Variants in PTPRC observed in about 807,000 individuals in gnomAD.
PTPRC encodes receptor-type tyrosine-protein phosphatase C.
Under a neutral mutation model 155.9 loss-of-function variants are expected in PTPRC, and 44 were observed. The observed-to-expected ratio is 0.28, with a 90% CI of 0.22 to 0.36. The LOEUF is 0.36. Ranked by LOEUF, PTPRC falls within the 10% of genes least tolerant of loss-of-function variation. The probability of loss-of-function intolerance (pLI) is 1.00; values close to 1 mark genes in which losing one functional copy is unlikely to be tolerated. For missense variants in PTPRC, 1,401 were observed against 1,564.6 expected (o/e 0.90, Z 1.76); for synonymous variants, 525 against 533.1 (o/e 0.98, Z 0.21).
At chr1:198,695,347 A>G (rs564794468) in intron 3 of PTPRC, among the ~76,000 whole-genome samples, 1 of 147,072 alleles carries the variant, frequency 6.8e-6, no homozygotes, top group African/African-American at 2.5e-5. Flanking sequence ...TTGTTGTGTG[A>G]TATAGTTCAG....
intron 7 of PTPRC, 143 bp from the exon 8 acceptor site, chr1:198,704,329 T>A: frequency 6.9e-7 from 1 of 1,449,400 alleles, no homozygotes; most frequent in Non-Finnish European, 9.3e-7. Context: ...AAACCTGTAC[T>A]AGGCAAATCC....
chr1:198,642,940 C>A (rs920300830), intron 2 of PTPRC, among the ~76,000 whole-genome samples: 2 of 147,634 alleles, frequency 1.4e-5, no homozygotes, highest in Non-Finnish European at 3.0e-5. Flanking sequence ...TTCTTTCTTT[C>A]TTTCTTTCTT....
intron 2 of PTPRC, among the ~76,000 whole-genome samples, chr1:198,664,005 C>A (rs183928824): frequency 2.6e-5 from 4 of 151,606 alleles, no homozygotes; most frequent in African/African-American, 9.7e-5. Flanking sequence ...TTTTTTTAAC[C>A]CTACATGCCT....
At chr1:198,755,880 A>AATT (rs1329949010) in intron 32 of PTPRC, 26 bp from the exon 33 acceptor site, 3 of 1,587,630 alleles carry the variant, frequency 1.9e-6, no homozygotes, top group Non-Finnish European at 2.6e-6. Context: ...TTCTTCATGT[A>AATT]ATTTCCCACT....
chr1:198,675,355 A>T (rs1664892729), intron 2 of PTPRC, among the ~76,000 whole-genome samples: 1 of 152,108 alleles, frequency 6.6e-6, no homozygotes, highest in Non-Finnish European at 1.5e-5. Flanking sequence ...AAACTTTCTC[A>T]TTAAATGTGC....
At position 198,742,042 on chromosome 1, in the gene PTPRC, A is replaced by C. The variant is rs749945370; in HGVS notation, c.2561+16A>C. 144 of 807,070 alleles carry C rather than the reference A, an allele frequency of 1.8e-4. No individual in the cohort carries two copies. The highest frequency in any genetic ancestry group is 2.5e-4 in the Non-Finnish European group (139 of 547,608). The allele number at this position is 807,070 out of a possible 1,614,324, so 50.0% of individuals were successfully genotyped here. On this transcript the variant is annotated intron_variant, in intron 24 of 32. Coordinates refer to ENST00000442510, the MANE Select transcript of PTPRC (RefSeq NM_002838.5). Reference sequence around the variant, plus strand: ...TGCACTGCAGGTAGGAAAAACGAACAAAAAAAAAAAACAACAACAAAAAAA... The same window carrying C: ...TGCACTGCAGGTAGGAAAAACGAACCAAAAAAAAAAACAACAACAAAAAAA...
At chr1:198,695,161 T>A (rs1666133054) in intron 3 of PTPRC, 1 of 887,700 alleles carries the variant, frequency 1.1e-6, no homozygotes, top group Non-Finnish European at 1.3e-6. Context: ...TAAAGCTGGG[T>A]TTTTTATTTA....
At chr1:198,719,080 G>C (rs1446516737) in intron 14 of PTPRC, among the ~76,000 whole-genome samples, 1 of 151,946 alleles carries the variant, frequency 6.6e-6, no homozygotes, top group Non-Finnish European at 1.5e-5. Flanking sequence ...AATAATTTAT[G>C]TTTCATAAAT....
Position 198,718,090 on chromosome 1 carries a change from A to T in PTPRC, c.1451-4A>T, listed in dbSNP as rs753368275. 20 of 1,604,456 alleles carry T rather than the reference A, an allele frequency of 1.2e-5. No individual in the cohort carries two copies. In the South Asian group the frequency reaches 2.2e-4, roughly 18 times the overall value. The stretch of plus-strand genomic sequence containing the variant: ...TAATAACAAATCTTTCTTCATTTTG[A>T]TAGCTCCAAGCCAGGTCTGGAACAT... On this transcript the variant is annotated splice_region_variant and splice_polypyrimidine_tract_variant and intron_variant, in intron 13 of 32. Coordinates refer to ENST00000442510, the MANE Select transcript of PTPRC (RefSeq NM_002838.5).
At position 198,732,506 on chromosome 1, in the gene PTPRC, G is replaced by C; in HGVS notation, c.2092G>C (p.Glu698Gln). Residue 698 changes from glutamate to glutamine, a missense_variant, in exon 20 of 33, where the codon GAG becomes CAG. By Grantham distance (29) the Glu-to-Gln change is conservative. Transcript: ENST00000442510. ...PYDYNRVELSEINGDAGSNYI... is the reference protein window; with the variant it reads ...PYDYNRVELSQINGDAGSNYI... Reference sequence around the variant, plus strand: ...TGATTATAACCGTGTTGAACTCTCTGAGATAAACGGAGATGCAGGGTCAAA... The same window carrying C: ...TGATTATAACCGTGTTGAACTCTCTCAGATAAACGGAGATGCAGGGTCAAA... 6.2e-7 allele frequency: 1 copy of C among 1,610,994 alleles called. No individual in the cohort carries two copies. The highest frequency in any genetic ancestry group is 8.5e-7 in the Non-Finnish European group (1 of 1,178,446).
intron 25 of PTPRC, among the ~76,000 whole-genome samples, chr1:198,743,227 T>C (rs1654992594): frequency 6.6e-6 from 1 of 151,784 alleles, no homozygotes; most frequent in African/African-American, 2.4e-5. Flanking sequence ...TAGGTTTGTG[T>C]CTGTCTGTTT....
intron 2 of PTPRC, among the ~76,000 whole-genome samples, chr1:198,659,938 A>T (rs1370810059): frequency 6.7e-6 from 1 of 149,920 alleles, no homozygotes; most frequent in East Asian, 1.9e-4. Flanking sequence ...ATCATCATAC[A>T]GAAATCATTG....
Position 198,706,881 on chromosome 1 carries a change from A to T in PTPRC, c.833A>T (p.Asn278Ile). ...NEVHNLTECK[N>I]ASVSISHNSC... ...GTGCATAACCTTACAGAATGTAAAA[A>T]TGCGTCTGTTTCCATATCTCATAAT... Residue 278 changes from asparagine to isoleucine, a missense_variant, in exon 9 of 33, where the codon AAT becomes ATT. Physicochemically the swap from Asn to Ile is moderately radical, Grantham distance 149. Transcript: ENST00000442510. 2 of 1,613,722 alleles carry T rather than the reference A, an allele frequency of 1.2e-6. No homozygotes were observed. Among genetic ancestry groups the T allele is most frequent in the Non-Finnish European group, 1.7e-6 (2 of 1,179,636 alleles).
intron 2 of PTPRC, among the ~76,000 whole-genome samples, chr1:198,684,077 C>T (rs958954343): frequency 6.6e-6 from 1 of 151,752 alleles, no homozygotes; most frequent in Non-Finnish European, 1.5e-5. Context: ...AAATCAAAGA[C>T]TTCAATTTGA....
chr1:198,663,592 G>C (rs900362123), intron 2 of PTPRC, among the ~76,000 whole-genome samples: 2 of 152,190 alleles, frequency 1.3e-5, no homozygotes, highest in African/African-American at 4.8e-5. Context: ...ATCCACAGCT[G>C]ACCTAGTGGC....
chr1:198,750,156 C>T (rs1558039140), intron 28 of PTPRC, among the ~76,000 whole-genome samples: 1 of 151,762 alleles, frequency 6.6e-6, no homozygotes, highest in Non-Finnish European at 1.5e-5. Context: ...AGTATAGACA[C>T]GATGAAGGTA....
intron 23 of PTPRC, among the ~76,000 whole-genome samples, chr1:198,736,446 T>G (rs1391761348): frequency 6.6e-6 from 1 of 151,768 alleles, no homozygotes; most frequent in East Asian, 1.9e-4. Flanking sequence ...GAAGTTTGTA[T>G]TTCTGTGTCT....
intron 2 of PTPRC, among the ~76,000 whole-genome samples, chr1:198,644,667 G>A (rs1323666477): frequency 6.6e-6 from 1 of 151,650 alleles, no homozygotes; most frequent in East Asian, 1.9e-4. Flanking sequence ...TTTCATCTAG[G>A]ACAAGAATAA....
intron 2 of PTPRC, among the ~76,000 whole-genome samples, chr1:198,639,873 G>C (rs899861600): frequency 1.3e-5 from 2 of 151,920 alleles, no homozygotes; most frequent in African/African-American, 4.8e-5. Context: ...AATATATTGA[G>C]ATATTTAGTA....
Sources: gnomAD v4.1 joint callset for allele counts (sites outside exome capture counted in the v4.1 genomes callset) on GRCh38, gnomAD v4.1.1 for gene constraint, MANE v1.5 for transcripts, NCBI Gene and HGNC (gene_info 2026-07-23, HGNC 2026-07-21) for gene names.